The following DGKB variants were observed in gnomAD, a reference collection of about 807,000 sequenced individuals.
DGKB encodes 90 kDa diacylglycerol kinase.
In DGKB, 67 loss-of-function variants were observed where a neutral mutation model predicts 114.3. The ratio of observed to expected loss-of-function variants is 0.59; its 90% CI spans 0.48 to 0.72. DGKB has a LOEUF of 0.72. DGKB is among the 30% of genes least tolerant of loss of function. DGKB has a pLI of 0.00. For missense variants in DGKB, 907 were observed against 975.2 expected, an observed-to-expected ratio of 0.93 and a Z score of 0.93; for synonymous variants, 398 against 323.1, an observed-to-expected ratio of 1.23 and a Z score of -2.49.
chr7:14,454,527 T>C (rs17168196), intron 21 of DGKB, among the ~76,000 whole-genome samples: 6 of 152,022 alleles, frequency 3.9e-5, no homozygotes, highest in Non-Finnish European at 8.8e-5. Context: ...AATTATAATA[T>C]GGCTTTTAAA....
intron 2 of DGKB, among the ~76,000 whole-genome samples, chr7:14,772,967 C>A (rs928241938): frequency 6.6e-6 from 1 of 152,140 alleles, no homozygotes; most frequent in Non-Finnish European, 1.5e-5. Context: ...ATTGGGTTAT[C>A]TTCAATGCTT....
chr7:14,783,650 T>G (rs1367927823), intron 2 of DGKB, among the ~76,000 whole-genome samples: 1 of 152,224 alleles, frequency 6.6e-6, no homozygotes, highest in Non-Finnish European at 1.5e-5. Flanking sequence ...CATTGACAAG[T>G]GCAAATATTT....
intron 21 of DGKB, among the ~76,000 whole-genome samples, chr7:14,422,541 C>A (rs1267078117): frequency 3.3e-5 from 5 of 151,920 alleles, no homozygotes; most frequent in Admixed American, 2.0e-4. Context: ...CAAAATCATT[C>A]CAGGCTTTAT....
chr7:14,853,943 T>G (rs1439646286), intron 1 of DGKB, among the ~76,000 whole-genome samples: 1 of 151,998 alleles, frequency 6.6e-6, no homozygotes, highest in Admixed American at 6.6e-5. Context: ...ATTCTATTAG[T>G]AAAATATATT....
At chr7:14,355,348 C>G (rs1814245038) in intron 21 of DGKB, among the ~76,000 whole-genome samples, 1 of 152,150 alleles carries the variant, frequency 6.6e-6, no homozygotes, top group South Asian at 2.1e-4. Context: ...GCATCCCTGT[C>G]TTGTGCTGGT....
intron 6 of DGKB, among the ~76,000 whole-genome samples, chr7:14,712,941 A>G (rs1414362206): frequency 2.0e-5 from 3 of 152,114 alleles, no homozygotes; most frequent in Admixed American, 1.3e-4. Context: ...CAAAATAAAT[A>G]TATAGCTGTT....
At chr7:14,908,297 C>T (rs2128242470), upstream of DGKB, among the ~76,000 whole-genome samples, 1 of 152,322 alleles carries the variant, frequency 6.6e-6, no homozygotes, top group South Asian at 2.1e-4. Context: ...TATCCCATCA[C>T]TCTTTCTAAC....
chr7:14,718,367 A>G (rs1421778483), intron 6 of DGKB, among the ~76,000 whole-genome samples, 175 bp downstream of exon 6: 1 of 152,192 alleles, frequency 6.6e-6, no homozygotes. Flanking sequence ...TGAAATTAAT[A>G]GATCTTAATA....
chr7:14,355,397 T>C (rs1258405028), intron 21 of DGKB, among the ~76,000 whole-genome samples: 1 of 152,234 alleles, frequency 6.6e-6, no homozygotes, highest in Non-Finnish European at 1.5e-5. Flanking sequence ...TCATTCAGTA[T>C]GATATTGGCT....
chr7:14,464,532 G>A (rs1024369022), intron 21 of DGKB, among the ~76,000 whole-genome samples: 3 of 152,166 alleles, frequency 2.0e-5, no homozygotes, highest in Non-Finnish European at 4.4e-5. Context: ...TAAGTAAGAA[G>A]AGTGCATAGT....
At chr7:14,649,364 T>A (rs572848281) in intron 13 of DGKB, among the ~76,000 whole-genome samples, 1 of 151,016 alleles carries the variant, frequency 6.6e-6, no homozygotes, top group Admixed American at 6.6e-5. Flanking sequence ...GAAAAGAATT[T>A]TCAACCCAGA....
intron 5 of DGKB, among the ~76,000 whole-genome samples, chr7:14,725,016 T>A (rs1030887000): frequency 4.6e-5 from 7 of 152,068 alleles, no homozygotes; most frequent in East Asian, 3.9e-4. Flanking sequence ...TAAAAAAAAA[T>A]TTTTAATTAC....
intron 17 of DGKB, among the ~76,000 whole-genome samples, chr7:14,593,921 CT>C (rs1306767914): frequency 6.6e-6 from 1 of 151,958 alleles, no homozygotes; most frequent in Non-Finnish European, 1.5e-5. Context: ...GGTTTTGACC[CT>C]GTAAGAAAAG....
chr7:14,564,819 C>A (rs536856529), intron 20 of DGKB, among the ~76,000 whole-genome samples: 31 of 151,878 alleles, frequency 2.0e-4, no homozygotes, highest in Non-Finnish European at 2.6e-4. Context: ...CTTCATTGGC[C>A]ATTGTTTTCC....
Position 14,580,928 on chromosome 7 carries a change from G to A in DGKB, c.1543C>T (p.Pro515Ser). The change falls in exon 19 of 26, where the codon CCT (proline) becomes TCT (serine). Residue 515 changes from proline to serine, a missense_variant. This residue lies in a region of DGKB where 814 missense variants were observed against 856.6 expected (regional missense o/e 0.95). Coordinates refer to ENST00000402815, the MANE Select transcript of DGKB (RefSeq NM_001350709.2). ...CIEKANVGKH[P>S]PVAILPLGTG... ...CCAAGAGGCAGAATCGCAACTGGAG[G>A]ATGCTTGCCTACATTGGCCTTTTCT... is the stretch of plus-strand genomic sequence containing the variant. 1 of 1,603,258 alleles carries A rather than the reference G, an allele frequency of 6.2e-7. No individual in the cohort carries two copies. Among genetic ancestry groups the A allele is most frequent in the Non-Finnish European group, 8.5e-7 (1 of 1,172,616 alleles).
At chr7:14,596,678 G>A (rs1292852523) in intron 17 of DGKB, among the ~76,000 whole-genome samples, 2 of 152,148 alleles carry the variant, frequency 1.3e-5, no homozygotes, top group Non-Finnish European at 2.9e-5. Context: ...AAAGTGTGAT[G>A]AAAAAGGAGT....
chr7:14,458,075 T>C (rs1015119230), intron 21 of DGKB, among the ~76,000 whole-genome samples: 2 of 151,900 alleles, frequency 1.3e-5, no homozygotes, highest in African/African-American at 4.8e-5. Flanking sequence ...AAGCCTTGAT[T>C]AAAAAAAACG....
At position 14,329,025 on chromosome 7, in the gene DGKB, T is replaced by C. The variant is rs547581291; in HGVS notation, c.2122+9490A>G. ...GACTCATGAACTACATGAGATTCTATGTATTTCCACAAAACAGAGTGGCCG... is the reference window on the plus strand; with the variant it reads ...GACTCATGAACTACATGAGATTCTACGTATTTCCACAAAACAGAGTGGCCG... On this transcript the variant is annotated intron_variant, in intron 23 of 25. Transcript: ENST00000402815. Among the ~76,000 whole-genome samples the C allele has an allele frequency of 1.5e-4, 23 of 152,082 alleles. No individual in the cohort carries two copies. In the East Asian group the frequency reaches 4.4e-3, roughly 29 times the overall value.
At chr7:14,602,247 C>T (rs1417801264) in intron 17 of DGKB, among the ~76,000 whole-genome samples, 2 of 152,136 alleles carry the variant, frequency 1.3e-5, no homozygotes, top group African/African-American at 4.8e-5. Flanking sequence ...TGAGTCTCAT[C>T]CATATCTGAT....
Sources: allele counts gnomAD v4.1 joint callset (sites outside exome capture counted in the v4.1 genomes callset), GRCh38; gene constraint gnomAD v4.1.1; regional missense constraint gnomAD v4.1.1; transcripts MANE v1.5; gene names NCBI Gene and HGNC (gene_info 2026-07-23, HGNC 2026-07-21).